The following DPP6 variants were observed in gnomAD, a reference collection of about 807,000 sequenced individuals.
The protein encoded by DPP6 is A-type potassium channel modulatory protein DPP6.
A neutral mutation model predicts 122.6 loss-of-function variants in DPP6; 69 were observed. The observed-to-expected ratio is 0.56, with a 90% CI of 0.46 to 0.69. The LOEUF is 0.69. DPP6 is among the 30% of genes least tolerant of loss of function. The pLI is 0.00. For synonymous variants in DPP6, 418 were observed against 433.1 expected (o/e 0.97, Z 0.43); for missense variants, 928 against 1,116.9 (o/e 0.83, Z 2.41).
At chr7:153,805,006 A>G in the DPP6 span, among the ~76,000 whole-genome samples, 4 of 152,188 alleles carry the variant, frequency 2.6e-5, no homozygotes, top group Non-Finnish European at 5.9e-5. Context: ...TGATTCAGAA[A>G]AGCCAACCCT....
At chr7:153,877,231 T>G in the DPP6 span, among the ~76,000 whole-genome samples, 1 of 152,182 alleles carries the variant, frequency 6.6e-6, no homozygotes, top group Non-Finnish European at 1.5e-5. Flanking sequence ...TTGATTCTTT[T>G]GCAATCACAC....
At position 154,484,962 on chromosome 7, in the gene DPP6, G is replaced by GTT. The variant is rs34219885; in HGVS notation, c.457+9934_457+9935dup. Among the ~76,000 whole-genome samples, 3 of 150,578 alleles carry GTT rather than the reference G, an allele frequency of 2.0e-5. No individual in the cohort carries two copies. In the East Asian group the frequency reaches 5.9e-4, roughly 29 times the overall value. On this transcript the variant is annotated intron_variant, in intron 3 of 25. Coordinates refer to ENST00000377770, the MANE Select transcript of DPP6 (RefSeq NM_130797.4). Reference sequence around the variant, plus strand: ...TTTGTTATGCTGAAAAAACAGATGGGTTTTTTTTTTAAATAAAGCTTATGG... The same window carrying GTT: ...TTTGTTATGCTGAAAAAACAGATGGGTTTTTTTTTTTTAAATAAAGCTTATGG...
intron 1 of DPP6, among the ~76,000 whole-genome samples, chr7:154,379,825 AAACT>A (rs759295245): frequency 2.0e-5 from 3 of 152,240 alleles, no homozygotes; most frequent in Non-Finnish European, 4.4e-5. Flanking sequence ...GCCAATAGCC[AAACT>A]AAGCATTGCC....
intron 1 of DPP6, among the ~76,000 whole-genome samples, chr7:154,235,441 A>G (rs796655670): frequency 0.029 from 4,018 of 139,098 alleles, 189 homozygotes; most frequent in African/African-American, 0.093. Context: ...GATGAATTGC[A>G]GTTTGCCCAG....
chr7:153,935,299 C>T (rs1290223632), intron 1 of DPP6, among the ~76,000 whole-genome samples: 2 of 152,052 alleles, frequency 1.3e-5, no homozygotes, highest in African/African-American at 2.4e-5. Context: ...GGGCCCTGTC[C>T]GAGAGGGATG....
intron 1 of DPP6, among the ~76,000 whole-genome samples, chr7:154,398,836 A>G (rs1006901151): frequency 6.6e-6 from 1 of 152,238 alleles, no homozygotes; most frequent in Non-Finnish European, 1.5e-5. Context: ...TTTTCTTAAA[A>G]GAAGCAAGAC....
intron 1 of DPP6, among the ~76,000 whole-genome samples, chr7:153,897,101 T>C (rs558239215): frequency 6.6e-6 from 1 of 152,344 alleles, no homozygotes; most frequent in East Asian, 1.9e-4. Flanking sequence ...TGCTATGTTA[T>C]TATGTTAGAA....
At chr7:154,798,292 C>T (rs1254003186) in intron 12 of DPP6, among the ~76,000 whole-genome samples, 1 of 152,152 alleles carries the variant, frequency 6.6e-6, no homozygotes, top group East Asian at 1.9e-4. Context: ...GAGCCGAGGT[C>T]GTCAGCAGGA....
At chr7:154,199,764 C>G (rs935339948) in intron 1 of DPP6, among the ~76,000 whole-genome samples, 1 of 152,092 alleles carries the variant, frequency 6.6e-6, no homozygotes, top group Non-Finnish European at 1.5e-5. Context: ...CACACACCAC[C>G]ATGCCCAGCT....
chr7:154,779,145 C>T (rs1442774231), intron 10 of DPP6, among the ~76,000 whole-genome samples: 1 of 37,896 alleles, frequency 2.6e-5, no homozygotes, highest in Non-Finnish European at 6.0e-5. Flanking sequence ...ATCACCACCA[C>T]CCCCACCATC....
At position 154,093,392 on chromosome 7, in the gene DPP6, C is replaced by T. The variant is rs111162838; in HGVS notation, c.243+40329C>T. On this transcript the variant is annotated intron_variant, in intron 1 of 25. Coordinates refer to ENST00000377770, the MANE Select transcript of DPP6 (RefSeq NM_130797.4). ...AGCACATAACACACCACATGCCACA[C>T]AACCTACATACCACATCCTACACAC... Among the ~76,000 whole-genome samples the T allele has an allele frequency of 4.5e-3, 660 of 147,656 alleles. 5 individuals are homozygous for T. The highest frequency in any genetic ancestry group is 0.015 in the African/African-American group (611 of 39,598).
chr7:154,245,593 G>A (rs1301312516), intron 1 of DPP6, among the ~76,000 whole-genome samples: 3 of 138,610 alleles, frequency 2.2e-5, no homozygotes, highest in Non-Finnish European at 4.5e-5. Context: ...CTGAGATTGT[G>A]CCACTGCACT....
intron 5 of DPP6, among the ~76,000 whole-genome samples, chr7:154,617,198 T>C (rs1208796212): frequency 1.3e-5 from 2 of 152,198 alleles, no homozygotes; most frequent in East Asian, 1.9e-4. Context: ...AGACCAAAAA[T>C]ACAAACCCAG....
chr7:154,086,687 C>T (rs1179479884), intron 1 of DPP6, among the ~76,000 whole-genome samples: 9 of 149,790 alleles, frequency 6.0e-5, no homozygotes, highest in Non-Finnish European at 8.9e-5. Context: ...GGCACAATCT[C>T]GGCTCACTGC....
intron 1 of DPP6, among the ~76,000 whole-genome samples, chr7:154,125,205 ACT>A (rs1433445022): frequency 2.0e-5 from 3 of 152,100 alleles, no homozygotes; most frequent in Admixed American, 2.0e-4. Context: ...GAGACATGAC[ACT>A]CTGCTGTGTG....
intron 1 of DPP6, among the ~76,000 whole-genome samples, chr7:154,148,947 G>A (rs976537535): frequency 7.2e-5 from 11 of 152,110 alleles, no homozygotes; most frequent in African/African-American, 1.2e-4. Context: ...GTGTGCTGAC[G>A]TGTGTATAAC....
Position 154,734,105 on chromosome 7 carries a change from T to G in DPP6, c.883+6218T>G, listed in dbSNP as rs576557511. 3.3e-4 allele frequency among the ~76,000 whole-genome samples: 50 copies of G among 152,344 alleles called. 2 individuals are homozygous for G. The South Asian group carries it at 9.7e-3, about 30-fold the overall frequency. On this transcript the variant is annotated intron_variant, in intron 8 of 25. Transcript: ENST00000377770. ...GAAGAAAATCTAGCACACCATCTTT[T>G]TATCTAAGAAAGCAATATGCTGGAA...
chr7:154,325,547 G>A (rs1808374545), intron 1 of DPP6, among the ~76,000 whole-genome samples: 1 of 152,116 alleles, frequency 6.6e-6, no homozygotes, highest in Non-Finnish European at 1.5e-5. Flanking sequence ...CCACAAATTA[G>A]CAAGAGTCTA....
Position 154,600,921 on chromosome 7 carries a change from A to G in DPP6, c.627+34005A>G, listed in dbSNP as rs1833386348. On this transcript the variant is annotated intron_variant, in intron 5 of 25. Coordinates refer to ENST00000377770, the MANE Select transcript of DPP6 (RefSeq NM_130797.4). Reference sequence around the variant, plus strand: ...AGCCTGACCAACATGGAGAAACCCCATCTCTACTAAAAATACAAAATTTGC... The same window carrying G: ...AGCCTGACCAACATGGAGAAACCCCGTCTCTACTAAAAATACAAAATTTGC... 2.5e-5 allele frequency among the ~76,000 whole-genome samples: 3 copies of G among 118,900 alleles called. 1 individual carries two copies. The highest frequency in any genetic ancestry group is 5.4e-5 in the African/African-American group (2 of 37,362). 78.0% of individuals were successfully genotyped at this position (118,900 alleles called of 152,430 possible).
Sources: gnomAD v4.1 joint callset for allele counts (sites outside exome capture counted in the v4.1 genomes callset) on GRCh38, gnomAD v4.1.1 for gene constraint, MANE v1.5 for transcripts, NCBI Gene and HGNC (gene_info 2026-07-23, HGNC 2026-07-21) for gene names.